The following OR9Q1 variants were observed in gnomAD, a reference collection of about 807,000 sequenced individuals.
OR9Q1 encodes olfactory receptor family 9 subfamily Q member 1.
For missense variants in OR9Q1, 374 were observed against 378.8 expected, an observed-to-expected ratio of 0.99 and a Z score of 0.11; for synonymous variants, 153 against 148.6, an observed-to-expected ratio of 1.03 and a Z score of -0.22.
chr11:58,065,562 T>C (rs1048191991), intron 2 of OR9Q1, among the ~76,000 whole-genome samples: 2 of 152,192 alleles, frequency 1.3e-5, no homozygotes, highest in African/African-American at 4.8e-5. Context: ...AGTTCAGATA[T>C]GCATGAAAGC....
intron 2 of OR9Q1, among the ~76,000 whole-genome samples, chr11:58,114,203 GT>G (rs1334657422): frequency 6.6e-6 from 1 of 152,156 alleles, no homozygotes; most frequent in Non-Finnish European, 1.5e-5. Flanking sequence ...GTGCCCAGCT[GT>G]TTTGCCTTAT....
chr11:58,068,019 A>G (rs373750211), intron 2 of OR9Q1, among the ~76,000 whole-genome samples: 2 of 152,158 alleles, frequency 1.3e-5, no homozygotes, highest in South Asian at 2.1e-4. Context: ...AGCAAGAGAG[A>G]CAACCTGCCA....
intron 2 of OR9Q1, chr11:58,073,350 T>C (rs1376521669): frequency 6.3e-6 from 1 of 157,498 alleles, no homozygotes; most frequent in Non-Finnish European, 1.5e-5. Flanking sequence ...ATATAGAATA[T>C]ATGTTGTGGC....
At chr11:58,122,429 C>G (rs4939183) in intron 2 of OR9Q1, among the ~76,000 whole-genome samples, 2 of 151,986 alleles carry the variant, frequency 1.3e-5, no homozygotes, top group Non-Finnish European at 2.9e-5. Flanking sequence ...TTCCCTTCAA[C>G]ATGGACTTCG....
intron 2 of OR9Q1, chr11:58,057,978 C>T (rs11229240): frequency 0.13 from 20,132 of 152,200 alleles, 1,591 homozygotes; most frequent in South Asian, 0.2. Context: ...GTGACTAGGC[C>T]GCAGAGAAAT....
intron 2 of OR9Q1, among the ~76,000 whole-genome samples, chr11:58,113,480 C>G (rs181163430): frequency 3.9e-5 from 6 of 152,272 alleles, no homozygotes; most frequent in East Asian, 1.9e-4. Context: ...CTCATTACCC[C>G]CCTCATTGTA....
At chr11:58,143,397 C>T (rs2089684982) in intron 2 of OR9Q1, among the ~76,000 whole-genome samples, 1 of 152,140 alleles carries the variant, frequency 6.6e-6, no homozygotes, top group African/African-American at 2.4e-5. Context: ...AGGATTTCTT[C>T]AACAAAGTGC....
At chr11:58,090,101 A>G (rs1210577596) in intron 2 of OR9Q1, among the ~76,000 whole-genome samples, 1 of 152,164 alleles carries the variant, frequency 6.6e-6, no homozygotes, top group Non-Finnish European at 1.5e-5. Flanking sequence ...AACAGAGACA[A>G]TTCAACTTCC....
intron 1 of OR9Q1, among the ~76,000 whole-genome samples, chr11:58,045,756 A>G (rs1039691708): frequency 3.9e-5 from 6 of 152,210 alleles, no homozygotes; most frequent in African/African-American, 1.4e-4. Context: ...GAACTGGGTC[A>G]TCCACAGTGA....
chr11:58,070,593 G>C (rs1405890110), intron 2 of OR9Q1, among the ~76,000 whole-genome samples: 4 of 152,200 alleles, frequency 2.6e-5, no homozygotes, highest in Non-Finnish European at 5.9e-5. Flanking sequence ...AAGAAAGGCA[G>C]CACTAACATT....
chr11:58,121,052 A>G (rs1484669235), intron 2 of OR9Q1, among the ~76,000 whole-genome samples: 1 of 152,106 alleles, frequency 6.6e-6, no homozygotes, highest in Admixed American at 6.6e-5. Flanking sequence ...ATGACTATGT[A>G]CATGCCATAC....
intron 2 of OR9Q1, among the ~76,000 whole-genome samples, chr11:58,107,597 C>T (rs1378098402): frequency 1.3e-5 from 2 of 152,122 alleles, no homozygotes; most frequent in East Asian, 3.9e-4. Flanking sequence ...TTTATGGTAG[C>T]ATGATTTGTA....
chr11:58,068,377 C>CA (rs1311291943), intron 2 of OR9Q1, among the ~76,000 whole-genome samples: 1 of 151,512 alleles, frequency 6.6e-6, no homozygotes, highest in African/African-American at 2.4e-5. Context: ...AAAAAAGGCC[C>CA]GGGAAACCCA....
intron 1 of OR9Q1, among the ~76,000 whole-genome samples, chr11:58,030,398 CTCAAACATGATGCTAAGTGCTTT>C (rs1281565824): frequency 6.6e-6 from 1 of 152,164 alleles, no homozygotes; most frequent in Non-Finnish European, 1.5e-5. Flanking sequence ...CATTTATTGA[CTCAAACATGATGCTAAGTGCTTT>C]ACAGGAATTA....
At chr11:58,080,222 T>C (rs1351141180) in intron 2 of OR9Q1, among the ~76,000 whole-genome samples, 1 of 152,204 alleles carries the variant, frequency 6.6e-6, no homozygotes, top group Non-Finnish European at 1.5e-5. Flanking sequence ...AGCTCCCATT[T>C]ATGCATGAGA....
chr11:58,150,832 C>A (rs1420946702), intron 2 of OR9Q1, among the ~76,000 whole-genome samples: 1 of 152,146 alleles, frequency 6.6e-6, no homozygotes, highest in Non-Finnish European at 1.5e-5. Flanking sequence ...CAAGTTAACT[C>A]TAAAACAGCC....
At chr11:58,128,891 C>G (rs150125968) in intron 2 of OR9Q1, among the ~76,000 whole-genome samples, 379 of 152,168 alleles carry the variant, frequency 2.5e-3, no homozygotes, top group Non-Finnish European at 3.2e-3. Flanking sequence ...AAAGGCAAAT[C>G]AAATACTAAA....
intron 2 of OR9Q1, among the ~76,000 whole-genome samples, chr11:58,148,560 C>T (rs1460239305): frequency 6.6e-6 from 1 of 152,150 alleles, no homozygotes; most frequent in Admixed American, 6.6e-5. Context: ...GCTGCCCAAG[C>T]CCCAATGCCA....
intron 2 of OR9Q1, among the ~76,000 whole-genome samples, chr11:58,083,487 T>A (rs1853608169): frequency 6.6e-6 from 1 of 152,102 alleles, no homozygotes; most frequent in Non-Finnish European, 1.5e-5. Context: ...ACTTGTCAAT[T>A]TTTGGTTTAA....
Sources: allele counts gnomAD v4.1 joint callset (sites outside exome capture counted in the v4.1 genomes callset), GRCh38; gene constraint gnomAD v4.1.1; transcripts MANE v1.5; gene names NCBI Gene and HGNC (gene_info 2026-07-23, HGNC 2026-07-21).